Variants in RAC2 observed in about 807,000 individuals in gnomAD.
RAC2 encodes the protein Rac family small GTPase 2, also known as ras-related C3 botulinum toxin substrate 2.
RAC2 carries 1 observed loss-of-function variant against 24.0 expected under a neutral mutation model. The observed-to-expected ratio is 0.04, with a 90% CI of 0.01 to 0.20. RAC2 has a LOEUF of 0.20. RAC2 is among the 10% of genes least tolerant of loss of function. The pLI, the probability that RAC2 is intolerant of heterozygous loss-of-function variation, is 1.00. For missense variants in RAC2, 130 were observed against 259.1 expected (o/e 0.50, Z 3.42); for synonymous variants, 114 against 106.8 (o/e 1.07, Z -0.41).
Position 37,231,574 on chromosome 22 carries a change from C to T in RAC2, c.289-184G>A, listed in dbSNP as rs751214563. On this transcript the variant is annotated intron_variant, in intron 4 of 6. Coordinates refer to ENST00000249071, the MANE Select transcript of RAC2 (RefSeq NM_002872.5). The surrounding 1 kb of genome is among the most constrained non-coding windows in gnomAD (Gnocchi z 5.5). The stretch of plus-strand genomic sequence containing the variant: ...GTGGCACAGGGAGGGGAGGCCACGA[C>T]GTTGTGCAGGAAGGAGGGGGCGCAT... 1.6e-5 allele frequency: 10 copies of T among 625,022 alleles called. No homozygotes were observed. The highest frequency in any genetic ancestry group is 5.5e-5 in the Admixed American group (2 of 36,290). The allele number at this position is 625,022 out of a possible 1,614,324, so 38.7% of individuals were successfully genotyped here.
At chr22:37,232,459 T>C in intron 3 of RAC2, 1 of 441,208 alleles carries the variant, frequency 2.3e-6, no homozygotes, top group Non-Finnish European at 4.2e-6. Flanking sequence ...ATCCTCCACC[T>C]CTCCCCTCCC....
At chr22:37,239,135 C>T (rs951389912) in intron 2 of RAC2, among the ~76,000 whole-genome samples, 2 of 152,164 alleles carry the variant, frequency 1.3e-5, no homozygotes, top group African/African-American at 4.8e-5. Context: ...TTCACAGGGG[C>T]ACAGGCATTG....
At chr22:37,233,190 G>A (rs959251264) in intron 2 of RAC2, among the ~76,000 whole-genome samples, 1 of 152,162 alleles carries the variant, frequency 6.6e-6, no homozygotes. Flanking sequence ...AAAGGTAATT[G>A]AGGCTGTGTA....
chr22:37,243,851 G>A lies in RAC2; in HGVS notation c.35+263C>T, dbSNP rs192280588. 6.2e-3 allele frequency among the ~76,000 whole-genome samples: 939 copies of A among 152,260 alleles called. 10 individuals carry two copies. The highest frequency in any genetic ancestry group is 0.018 in the African/African-American group (749 of 41,544). On this transcript the variant is annotated intron_variant, in intron 1 of 6. Transcript: ENST00000249071. ...CCCCAGCTTTTGGGGTGCAGGTGAG[G>A]AGCCCTGGGCACTCTCACCCATAGT...
chr22:37,226,797 A>T lies in RAC2; in HGVS notation c.455T>A (p.Val152Glu), dbSNP rs1261080075. 3.7e-6 allele frequency: 6 copies of T among 1,611,978 alleles called. No individual in the cohort carries two copies. The highest frequency in any genetic ancestry group is 5.1e-6 in the Non-Finnish European group (6 of 1,179,254). The change falls in exon 6 of 7, where the codon GTG becomes GAG. Residue 152 changes from valine to glutamate, a missense_variant. Physicochemically the swap from Val to Glu is moderately radical, Grantham distance 121. Around this residue, in one of 2 missense-constraint regions of RAC2, gnomAD observed 119 missense variants for 192.1 expected, o/e 0.62. Transcript: ENST00000249071. Reference protein sequence around the residue: ...GLALAKEIDSVKYLECSALTQ... With the variant: ...GLALAKEIDSEKYLECSALTQ... ...GAGAGCTGAGCACTCCAGGTATTTC[A>T]CCGAGTCTGGTTGGGGAGATGGACA...
chr22:37,233,355 C>T (rs1262846455), intron 2 of RAC2, among the ~76,000 whole-genome samples: 1 of 152,104 alleles, frequency 6.6e-6, no homozygotes, highest in Non-Finnish European at 1.5e-5. Context: ...CCATCTCGGC[C>T]CACTGCAAAC....
chr22:37,229,032 C>T (rs1380416617), intron 5 of RAC2, among the ~76,000 whole-genome samples: 1 of 152,218 alleles, frequency 6.6e-6, no homozygotes, highest in African/African-American at 2.4e-5. Context: ...CCACTGTCTC[C>T]TTATAAGGGA....
intron 2 of RAC2, among the ~76,000 whole-genome samples, chr22:37,237,584 A>G (rs972329029): frequency 6.6e-6 from 1 of 152,154 alleles, no homozygotes; most frequent in Non-Finnish European, 1.5e-5. Context: ...GTCCACTGGA[A>G]TCCCAGGCTG....
Position 37,225,308 on chromosome 22 carries a change from G to T in RAC2, c.*734C>A. 1 of 152,346 alleles carries T rather than the reference G, an allele frequency of 6.6e-6. No homozygotes were observed. The allele number at this position is 152,346 out of a possible 1,614,324, so 9.4% of individuals were successfully genotyped here. A position where few individuals can be genotyped will look rare whatever the true frequency, so the allele number is the denominator to read the frequency against. On this transcript the variant is annotated 3_prime_UTR_variant, in exon 7 of 7. Transcript: ENST00000249071. Reference sequence around the variant, plus strand: ...TTTATTTTCTGCTTAAGCAGGTTGAGTTGGGTTTTCTATTTGCAATAGCAA... The same window carrying T: ...TTTATTTTCTGCTTAAGCAGGTTGATTTGGGTTTTCTATTTGCAATAGCAA...
At position 37,226,730 on chromosome 22, in the gene RAC2, C is replaced by G; in HGVS notation, c.522G>C (p.Arg174=). Residue 174 remains arginine, a synonymous_variant, in exon 6 of 7, where the codon CGG becomes CGC. Coordinates refer to ENST00000249071, the MANE Select transcript of RAC2 (RefSeq NM_002872.5). Reference sequence around the variant, plus strand: ...GCGTGGGCTGAGGGCACAGCACGGCCCGGATGGCCTCGTCGAACACGGTTT... The same window carrying G: ...GCGTGGGCTGAGGGCACAGCACGGCGCGGATGGCCTCGTCGAACACGGTTT... ...GLKTVFDEAI[R]AVLCPQPTRQ... 6.2e-7 allele frequency: 1 copy of G among 1,613,146 alleles called. No individual in the cohort carries two copies. The highest frequency in any genetic ancestry group is 8.5e-7 in the Non-Finnish European group (1 of 1,179,602).
rs1233929970 is a variant in RAC2 at position 37,231,176 on chromosome 22, C to G, written c.448+55G>C. 9.4e-6 allele frequency: 15 copies of G among 1,604,244 alleles called. No homozygotes were observed. Among genetic ancestry groups the G allele is most frequent in the African/African-American group, 1.3e-5 (1 of 74,668 alleles). On this transcript the variant is annotated intron_variant, in intron 5 of 6. Coordinates refer to ENST00000249071, the MANE Select transcript of RAC2 (RefSeq NM_002872.5). The surrounding 1 kb of genome is among the most constrained non-coding windows in gnomAD (Gnocchi z 5.5). Reference sequence around the variant, plus strand: ...CCGTGTTTACAATCACACCACGAGGCCAAGTCAGGGCCTCCCCTGCAGCCA... The same window carrying G: ...CCGTGTTTACAATCACACCACGAGGGCAAGTCAGGGCCTCCCCTGCAGCCA...
intron 5 of RAC2, among the ~76,000 whole-genome samples, chr22:37,228,370 G>A (rs909788908): frequency 7.2e-5 from 11 of 152,220 alleles, no homozygotes; most frequent in African/African-American, 1.7e-4. Context: ...CAGGGACGGC[G>A]TTCCATGACA....
At chr22:37,228,847 C>T (rs1028102395) in intron 5 of RAC2, among the ~76,000 whole-genome samples, 2 of 152,182 alleles carry the variant, frequency 1.3e-5, no homozygotes, top group African/African-American at 4.8e-5. Flanking sequence ...GGATGTCACT[C>T]GCTCTGAGTC....
chr22:37,225,456 T>C lies in RAC2; in HGVS notation c.*586A>G, dbSNP rs55810010. 223 of 152,344 alleles carry C rather than the reference T, an allele frequency of 1.5e-3. No individual in the cohort carries two copies. Among genetic ancestry groups the C allele is most frequent in the African/African-American group, 5.2e-3 (216 of 41,570 alleles). 9.4% of individuals were successfully genotyped at this position (152,344 alleles called of 1,614,324 possible). On this transcript the variant is annotated 3_prime_UTR_variant, in exon 7 of 7. Transcript: ENST00000249071. Reference sequence around the variant, plus strand: ...GGGCTGGTTGAACCCAGATTTTCCATTGGCTGAGCAGATATCCCCAGAGGC... The same window carrying C: ...GGGCTGGTTGAACCCAGATTTTCCACTGGCTGAGCAGATATCCCCAGAGGC...
chr22:37,242,690 A>C (rs1416169360), intron 1 of RAC2, among the ~76,000 whole-genome samples: 1 of 152,242 alleles, frequency 6.6e-6, no homozygotes, highest in Non-Finnish European at 1.5e-5. Context: ...CTCCGATCAG[A>C]TACAAAGCAG....
intron 5 of RAC2, 49 bp from the exon 6 acceptor site, chr22:37,226,852 G>C: frequency 1.2e-6 from 2 of 1,604,940 alleles, no homozygotes; most frequent in South Asian, 2.2e-5. Flanking sequence ...GGCGGGGGGG[G>C]TTCTGGGCCA....
intron 2 of RAC2, 82 bp from the exon 3 acceptor site, chr22:37,233,000 C>T (rs1927117488): frequency 4.7e-6 from 5 of 1,069,390 alleles, no homozygotes; most frequent in Non-Finnish European, 7.2e-6. Flanking sequence ...CATGTCATTC[C>T]TCGGAGGCTG....
rs1034547956 is a variant in RAC2, at chr22:37,244,259, T to C, written c.-111A>G. ...GGCGCCTGCTGAGGAGCAGCGGTGG[T>C]GGGGCAGGAGGAAACGGAAGGGGAA... is the stretch of plus-strand genomic sequence containing the variant. On this transcript the variant is annotated 5_prime_UTR_variant, in exon 1 of 7. Transcript: ENST00000249071. 1 of 1,258,290 alleles carries C rather than the reference T, an allele frequency of 7.9e-7. No homozygotes were observed. Among genetic ancestry groups the C allele is most frequent in the Non-Finnish European group, 1.1e-6 (1 of 881,530 alleles). The allele number at this position is 1,258,290 out of a possible 1,614,324, so 77.9% of individuals were successfully genotyped here.
At chr22:37,230,924 G>A (rs940517708) in intron 5 of RAC2, among the ~76,000 whole-genome samples, 2 of 152,106 alleles carry the variant, frequency 1.3e-5, no homozygotes, top group African/African-American at 2.4e-5. Flanking sequence ...CTACTAGGAC[G>A]ACTACTACTA....
Sources: gnomAD v4.1 joint callset for allele counts (sites outside exome capture counted in the v4.1 genomes callset) on GRCh38, gnomAD v4.1.1 for gene constraint, gnomAD v4.1.1 regional missense constraint, Gnocchi (gnomAD v3.1) non-coding constraint, MANE v1.5 for transcripts, NCBI Gene and HGNC (gene_info 2026-07-23, HGNC 2026-07-21) for gene names.